ABCC4: variants seen among roughly 807,000 people sequenced by gnomAD.
The protein encoded by ABCC4 is ATP binding cassette subfamily C member 4 (PEL blood group).
In ABCC4, 102 loss-of-function variants were observed where a neutral mutation model predicts 168.5. The observed-to-expected ratio is 0.61, with a 90% CI of 0.52 to 0.71. The LOEUF (loss-of-function observed/expected upper bound fraction) is 0.71. ABCC4 is among the 30% of genes least tolerant of loss of function. The pLI is 0.00. For synonymous variants in ABCC4, 617 were observed against 590.7 expected (o/e 1.04, Z -0.65); for missense variants, 1,402 against 1,605.8 (o/e 0.87, Z 2.17).
chr13:95,235,585 T>G (rs2039743751), intron 3 of ABCC4, among the ~76,000 whole-genome samples: 1 of 152,198 alleles, frequency 6.6e-6, no homozygotes, highest in Non-Finnish European at 1.5e-5. Context: ...TCTTCACAGT[T>G]AAGAGCCTTT....
At chr13:95,202,507 G>T (rs986546276) in intron 8 of ABCC4, among the ~76,000 whole-genome samples, 1 of 152,226 alleles carries the variant, frequency 6.6e-6, no homozygotes, top group East Asian at 1.9e-4. Context: ...GAGAGTTGGT[G>T]AGAACCCAAG....
At chr13:95,049,385 T>C (rs1594008110) in intron 27 of ABCC4, among the ~76,000 whole-genome samples, 1 of 151,826 alleles carries the variant, frequency 6.6e-6, no homozygotes, top group African/African-American at 2.4e-5. Flanking sequence ...CTCACGCCTG[T>C]AATCCCAGCA....
At chr13:95,197,969 A>G (rs2139653219) in intron 8 of ABCC4, among the ~76,000 whole-genome samples, 1 of 152,376 alleles carries the variant, frequency 6.6e-6, no homozygotes, top group South Asian at 2.1e-4. Context: ...AAGACAATAG[A>G]TTAAAGACTT....
At chr13:95,151,593 AAGG>A (rs1331084381) in intron 19 of ABCC4, among the ~76,000 whole-genome samples, 1 of 132,456 alleles carries the variant, frequency 7.5e-6, no homozygotes, top group Non-Finnish European at 1.6e-5. Flanking sequence ...GAAGGAGAAG[AAGG>A]AGGAGGAGAA....
chr13:95,242,372 C>T (rs1237279015), intron 3 of ABCC4, among the ~76,000 whole-genome samples: 1 of 151,914 alleles, frequency 6.6e-6, no homozygotes, highest in Non-Finnish European at 1.5e-5. Flanking sequence ...GGATTACAGG[C>T]GCCCACCACC....
chr13:95,166,655 C>T (rs1294059369), intron 14 of ABCC4, among the ~76,000 whole-genome samples: 1 of 152,102 alleles, frequency 6.6e-6, no homozygotes, highest in Admixed American at 6.6e-5. Context: ...AGTCTTATTA[C>T]AGAACATGAA....
At chr13:95,181,785 T>C (rs533713649) in intron 11 of ABCC4, among the ~76,000 whole-genome samples, 13 of 152,330 alleles carry the variant, frequency 8.5e-5, no homozygotes, top group Non-Finnish European at 1.5e-5. Context: ...ACCAAGCTCA[T>C]CTCAGTTCAC....
At chr13:95,132,952 G>A (rs1278933267) in intron 19 of ABCC4, among the ~76,000 whole-genome samples, 4 of 152,084 alleles carry the variant, frequency 2.6e-5, no homozygotes, top group Non-Finnish European at 5.9e-5. Flanking sequence ...TGGGTCCTGG[G>A]TTTCAGTTTG....
At chr13:95,205,738 G>A (rs1307986580) in intron 8 of ABCC4, among the ~76,000 whole-genome samples, 2 of 152,226 alleles carry the variant, frequency 1.3e-5, no homozygotes, top group Non-Finnish European at 2.9e-5. Context: ...GGGCCTCTAA[G>A]AGGTGATCAG....
intron 3 of ABCC4, among the ~76,000 whole-genome samples, chr13:95,241,104 C>T (rs147830878): frequency 0.012 from 1,754 of 152,132 alleles, 31 homozygotes; most frequent in Non-Finnish European, 0.014. Context: ...ATGGCTCATG[C>T]CTGTAATCCC....
chr13:95,278,449 C>T (rs1458173993), intron 1 of ABCC4, among the ~76,000 whole-genome samples: 1 of 152,004 alleles, frequency 6.6e-6, no homozygotes, highest in Admixed American at 6.6e-5. Flanking sequence ...CGGCAGAGGT[C>T]CTCCATTCTT....
At chr13:95,189,047 C>T (rs1212802701) in intron 9 of ABCC4, among the ~76,000 whole-genome samples, 2 of 151,234 alleles carry the variant, frequency 1.3e-5, no homozygotes, top group Admixed American at 6.6e-5. Flanking sequence ...CCTCCCCTTG[C>T]CCCCCACCCA....
intron 19 of ABCC4, among the ~76,000 whole-genome samples, chr13:95,122,372 C>T (rs940579586): frequency 6.6e-6 from 1 of 152,186 alleles, no homozygotes; most frequent in Non-Finnish European, 1.5e-5. Context: ...TTCTCAAACC[C>T]TACCTTAGAT....
chr13:95,148,638 A>ACACACACACACAC (rs2036575764), intron 19 of ABCC4, among the ~76,000 whole-genome samples: 1 of 141,430 alleles, frequency 7.1e-6, no homozygotes, highest in Non-Finnish European at 1.5e-5. Flanking sequence ...ACACACACAC[A>ACACACACACACAC]ATCAATGCTT....
chr13:95,235,242 T>C (rs763789705), intron 3 of ABCC4, among the ~76,000 whole-genome samples: 1 of 152,098 alleles, frequency 6.6e-6, no homozygotes, highest in Non-Finnish European at 1.5e-5. Flanking sequence ...CATTCATCAC[T>C]CATCTAAAAG....
chr13:95,186,715 A>T lies in ABCC4; in HGVS notation c.1531T>A (p.Cys511Ser). 1 of 1,613,812 alleles carries T rather than the reference A, an allele frequency of 6.2e-7. No individual in the cohort carries two copies. Among genetic ancestry groups the T allele is most frequent in the South Asian group, 1.1e-5 (1 of 91,018 alleles). The part of the protein sequence containing the change: ...KERYEKVIKA[C>S]ALKKDLQLLE... Reference sequence around the variant, plus strand: ...TCATCACTCACCTTTTTCAGAGCACAAGCCTTTATGACTTTTTCATATCGT... The same window carrying T: ...TCATCACTCACCTTTTTCAGAGCACTAGCCTTTATGACTTTTTCATATCGT... The change falls in exon 11 of 31, where the codon TGT (cysteine) becomes AGT (serine). Residue 511 changes from cysteine (C) to serine (S), a missense_variant. Transcript: ENST00000645237.
Position 95,081,308 on chromosome 13 carries a change from G to C in ABCC4, c.2686+1832C>G, listed in dbSNP as rs560607066. 5.9e-5 allele frequency among the ~76,000 whole-genome samples: 8 copies of C among 134,592 alleles called. No homozygotes were observed. In the East Asian group the frequency reaches 1.5e-3, roughly 26 times the overall value. 88.3% of individuals were successfully genotyped at this position (134,592 alleles called of 152,430 possible). ...TGGATCGGATGTGGCTGTTGACACA[G>C]ACAGTCTACGTCAAGATGTTCCTTC... On this transcript the variant is annotated intron_variant, in intron 21 of 30. Transcript: ENST00000645237.
At chr13:95,084,146 A>G (rs1189436) in intron 20 of ABCC4, among the ~76,000 whole-genome samples, 142,293 of 152,302 alleles carry the variant, frequency 0.93, 66,591 homozygotes, top group Non-Finnish European at 0.96. Flanking sequence ...TGCTGATTGT[A>G]TATCTGGCTG....
In ABCC4 at chr13:95,075,322, G is replaced by A. The variant is rs1473664125; in HGVS notation, c.2806+110C>T. 9 of 1,433,300 alleles carry A rather than the reference G, an allele frequency of 6.3e-6. No homozygotes were observed. In the East Asian group the frequency reaches 1.1e-4, roughly 18 times the overall value. The allele number at this position is 1,433,300 out of a possible 1,614,324, so 88.8% of individuals were successfully genotyped here. ...CGAAGATGCGCAAAAAAAGCAGGATGTGGGGCTGGGCCCTGAGGTGCCTGC... is the reference window on the plus strand; with the variant it reads ...CGAAGATGCGCAAAAAAAGCAGGATATGGGGCTGGGCCCTGAGGTGCCTGC... On this transcript the variant is annotated intron_variant, in intron 22 of 30. Coordinates refer to ENST00000645237, the MANE Select transcript of ABCC4 (RefSeq NM_005845.5).
Sources: allele counts gnomAD v4.1 joint callset (sites outside exome capture counted in the v4.1 genomes callset), GRCh38; gene constraint gnomAD v4.1.1; transcripts MANE v1.5; gene names NCBI Gene and HGNC (gene_info 2026-07-23, HGNC 2026-07-21).